Variants in LARS2 observed in about 807,000 individuals in gnomAD.
The protein encoded by LARS2 is leucyl-tRNA synthetase 2, mitochondrial, also known as leucine--tRNA ligase, mitochondrial.
Under a neutral mutation model 116.6 loss-of-function variants are expected in LARS2, and 81 were observed. The observed-to-expected ratio is 0.69, with a 90% CI of 0.58 to 0.84. The LOEUF (loss-of-function observed/expected upper bound fraction) is 0.84. Ranked by LOEUF, LARS2 falls within the 40% of genes least tolerant of loss-of-function variation. The pLI is 0.00. For synonymous variants in LARS2, 396 were observed against 407.2 expected, an observed-to-expected ratio of 0.97 and a Z score of 0.33; for missense variants, 968 against 1,114.5, an observed-to-expected ratio of 0.87 and a Z score of 1.87.
chr3:45,410,985 A>C (rs1357476110), intron 4 of LARS2, among the ~76,000 whole-genome samples: 1 of 152,246 alleles, frequency 6.6e-6, no homozygotes, highest in Non-Finnish European at 1.5e-5. Context: ...TCAAGTCTCA[A>C]CTGGATTGGG....
chr3:45,389,093 G>A (rs768384297), intron 1 of LARS2: 3 of 152,164 alleles, frequency 2.0e-5, no homozygotes, highest in Admixed American at 6.5e-5. Context: ...CGAGAAATCC[G>A]CCTGAGGTCA....
intron 13 of LARS2, among the ~76,000 whole-genome samples, chr3:45,493,105 C>CTTT (rs544848178): frequency 6.9e-6 from 1 of 145,596 alleles, no homozygotes; most frequent in East Asian, 2.0e-4. Context: ...CCTGGATGAT[C>CTTT]TTTTTTTTTT....
intron 3 of LARS2, among the ~76,000 whole-genome samples, chr3:45,399,482 T>C (rs552940771): frequency 6.6e-6 from 1 of 152,184 alleles, no homozygotes; most frequent in Non-Finnish European, 1.5e-5. Flanking sequence ...TTTTGTTTTG[T>C]TTTGTTTTGT....
At chr3:45,426,127 C>T (rs1376725540) in intron 6 of LARS2, among the ~76,000 whole-genome samples, 3 of 152,150 alleles carry the variant, frequency 2.0e-5, no homozygotes, top group Admixed American at 6.5e-5. Context: ...CTTCAAAGCC[C>T]GTACTACCTT....
intron 5 of LARS2, among the ~76,000 whole-genome samples, chr3:45,418,251 A>T (rs1310909722): frequency 6.6e-6 from 1 of 152,162 alleles, no homozygotes; most frequent in African/African-American, 2.4e-5. Context: ...CACCCCTTAG[A>T]GAGACAGAAG....
intron 20 of LARS2, among the ~76,000 whole-genome samples, chr3:45,529,793 C>G (rs1021625249): frequency 2.6e-5 from 4 of 152,104 alleles, no homozygotes; most frequent in East Asian, 1.9e-4. Flanking sequence ...TGTGATAAAC[C>G]CATTCTGCAA....
At chr3:45,450,926 C>T (rs183049052) in intron 7 of LARS2, among the ~76,000 whole-genome samples, 1 of 152,238 alleles carries the variant, frequency 6.6e-6, no homozygotes, top group Non-Finnish European at 1.5e-5. Flanking sequence ...ATTTGCACTT[C>T]CCTGATGATT....
chr3:45,444,672 A>AAC (rs1482999610), intron 6 of LARS2, among the ~76,000 whole-genome samples: 2 of 150,032 alleles, frequency 1.3e-5, no homozygotes, highest in African/African-American at 2.4e-5. Context: ...TCAAAAAAAA[A>AAC]AAAAAAAAAA....
chr3:45,544,794 A>G (rs577059448), intron 21 of LARS2, among the ~76,000 whole-genome samples: 2 of 152,208 alleles, frequency 1.3e-5, no homozygotes, highest in Non-Finnish European at 2.9e-5. Flanking sequence ...GGAAAAGGAC[A>G]GGCAGCTTTG....
intron 15 of LARS2, among the ~76,000 whole-genome samples, chr3:45,508,370 G>C (rs940297547): frequency 6.6e-6 from 1 of 152,054 alleles, no homozygotes; most frequent in Non-Finnish European, 1.5e-5. Context: ...GGGTCCTGCT[G>C]TATTAGTAAA....
chr3:45,436,506 C>T (rs1379177723), intron 6 of LARS2, among the ~76,000 whole-genome samples: 3 of 152,104 alleles, frequency 2.0e-5, no homozygotes, highest in East Asian at 1.9e-4. Context: ...TTAGAAAAGC[C>T]GTTTGTGGCC....
chr3:45,490,454 G>A (rs1267506463), intron 12 of LARS2, among the ~76,000 whole-genome samples: 4 of 152,212 alleles, frequency 2.6e-5, no homozygotes, highest in Non-Finnish European at 5.9e-5. Context: ...GAAGGAGAAT[G>A]GCTGGGGAAA....
intron 10 of LARS2, among the ~76,000 whole-genome samples, chr3:45,484,948 C>A (rs1302917236): frequency 6.6e-6 from 1 of 151,810 alleles, no homozygotes; most frequent in South Asian, 2.1e-4. Context: ...TCTGCACGTT[C>A]CAACCTGCCA....
At chr3:45,538,600 G>C (rs1700746262) in intron 20 of LARS2, 1 of 152,250 alleles carries the variant, frequency 6.6e-6, no homozygotes, top group South Asian at 2.1e-4. Context: ...CGGGCCACAG[G>C]AACCATCTGG....
chr3:45,441,591 G>T (rs1369201198), intron 6 of LARS2, among the ~76,000 whole-genome samples: 1 of 152,200 alleles, frequency 6.6e-6, no homozygotes, highest in Non-Finnish European at 1.5e-5. Context: ...AGCCTAAGGA[G>T]GCTTCAGTGG....
At chr3:45,484,884 T>C (rs956848162) in intron 10 of LARS2, among the ~76,000 whole-genome samples, 5 of 151,684 alleles carry the variant, frequency 3.3e-5, no homozygotes, top group African/African-American at 1.2e-4. Flanking sequence ...AATTTCTGGC[T>C]AAGTCTTCCT....
chr3:45,456,729 T>C (rs1174588166), intron 7 of LARS2, among the ~76,000 whole-genome samples: 1 of 152,240 alleles, frequency 6.6e-6, no homozygotes, highest in East Asian at 1.9e-4. Context: ...TATGTGCTTA[T>C]TAAGTCAAGG....
At chr3:45,519,122 G>T (rs1700413680) in intron 18 of LARS2, among the ~76,000 whole-genome samples, 1 of 152,162 alleles carries the variant, frequency 6.6e-6, no homozygotes, top group Non-Finnish European at 1.5e-5. Context: ...CTTGCCTATA[G>T]TCAAAATGGA....
chr3:45,430,787 G>A (rs1401938989), intron 6 of LARS2, among the ~76,000 whole-genome samples: 3 of 150,358 alleles, frequency 2.0e-5, no homozygotes, highest in Non-Finnish European at 4.4e-5. Flanking sequence ...GGGTTTCACC[G>A]TGTTAGCCAG....
Sources: gnomAD v4.1 joint callset for allele counts (sites outside exome capture counted in the v4.1 genomes callset) on GRCh38, gnomAD v4.1.1 for gene constraint, MANE v1.5 for transcripts, NCBI Gene and HGNC (gene_info 2026-07-23, HGNC 2026-07-21) for gene names.